The following STPG2 variants were observed in gnomAD, a reference collection of about 807,000 sequenced individuals.
The protein encoded by STPG2 is sperm-tail PG-rich repeat-containing protein 2.
A neutral mutation model predicts 54.2 loss-of-function variants in STPG2; 56 were observed. The ratio of observed to expected loss-of-function variants is 1.03; its 90% CI spans 0.83 to 1.29. The LOEUF is 1.29. Among genes scored for constraint, STPG2 ranks in the 50% most tolerant of loss-of-function variants. STPG2 has a pLI of 0.00. For missense variants in STPG2, 596 were observed against 544.9 expected (o/e 1.09, Z -0.93); for synonymous variants, 200 against 181.8 (o/e 1.10, Z -0.81).
chr4:98,117,220 G>C (rs1739545607), intron 3 of STPG2, among the ~76,000 whole-genome samples: 1 of 151,940 alleles, frequency 6.6e-6, no homozygotes, highest in Admixed American at 6.6e-5. Context: ...TGGAATTCTT[G>C]ATTGGCAGTC....
intron 1 of STPG2, among the ~76,000 whole-genome samples, chr4:98,136,402 T>G (rs1414839837): frequency 6.6e-6 from 1 of 151,234 alleles, no homozygotes; most frequent in Non-Finnish European, 1.5e-5. Context: ...TCAGAACACT[T>G]ACATTAGCCT....
At chr4:97,783,240 A>G (rs1560526108) in intron 9 of STPG2, among the ~76,000 whole-genome samples, 1 of 152,226 alleles carries the variant, frequency 6.6e-6, no homozygotes, top group Admixed American at 6.5e-5. Context: ...ACAAGAAAAA[A>G]CAACCGCATC....
At chr4:97,944,066 C>T (rs1733106591) in intron 7 of STPG2, 59 bp from the exon 8 acceptor site, 4 of 1,070,158 alleles carry the variant, frequency 3.7e-6, no homozygotes, top group Non-Finnish European at 5.6e-6. Flanking sequence ...ACAAGAGGCA[C>T]TATAAATAAT....
intron 10 of STPG2, among the ~76,000 whole-genome samples, chr4:97,701,175 C>T (rs1009836201): frequency 2.0e-5 from 3 of 152,086 alleles, no homozygotes. Context: ...CCATAGTAGC[C>T]CTCACCCTAC....
chr4:97,656,717 A>T (rs938540938), intron 10 of STPG2, among the ~76,000 whole-genome samples: 3 of 150,920 alleles, frequency 2.0e-5, no homozygotes, highest in Non-Finnish European at 4.4e-5. Context: ...TGGACATCGA[A>T]TACTAGTATT....
intron 4 of STPG2, chr4:97,489,756 C>A (rs577418412): frequency 2.6e-5 from 4 of 151,638 alleles, no homozygotes; most frequent in South Asian, 2.1e-4. Flanking sequence ...GGAAATAATT[C>A]TCTTATTTCC....
chr4:97,556,900 C>G (rs999325548), downstream of STPG2, among the ~76,000 whole-genome samples: 2 of 152,068 alleles, frequency 1.3e-5, no homozygotes, highest in African/African-American at 4.8e-5. Flanking sequence ...AAAAATAACC[C>G]TGGCCAGGCC....
At chr4:97,724,185 G>A (rs748675612) in intron 9 of STPG2, among the ~76,000 whole-genome samples, 1 of 151,916 alleles carries the variant, frequency 6.6e-6, no homozygotes, top group Non-Finnish European at 1.5e-5. Flanking sequence ...AAATGGTATT[G>A]GAATTTCTCC....
intron 4 of STPG2, among the ~76,000 whole-genome samples, chr4:97,524,432 G>A (rs1731241801): frequency 6.6e-6 from 1 of 151,836 alleles, no homozygotes; most frequent in African/African-American, 2.4e-5. Flanking sequence ...TGATGAGCAG[G>A]ATTCATTTGC....
chr4:97,949,481 T>C (rs1475726511), intron 7 of STPG2, among the ~76,000 whole-genome samples: 1 of 152,174 alleles, frequency 6.6e-6, no homozygotes, highest in Non-Finnish European at 1.5e-5. Flanking sequence ...TTTTTCTTCA[T>C]TGTATTATTG....
At chr4:97,778,259 A>G (rs911352941) in intron 9 of STPG2, among the ~76,000 whole-genome samples, 5 of 152,150 alleles carry the variant, frequency 3.3e-5, no homozygotes, top group African/African-American at 1.2e-4. Context: ...GCACAAGAGG[A>G]GATTATATCC....
At chr4:97,843,038 C>T (rs1728847256) in intron 8 of STPG2, among the ~76,000 whole-genome samples, 1 of 151,820 alleles carries the variant, frequency 6.6e-6, no homozygotes, top group African/African-American at 2.4e-5. Context: ...CCTAAATGAG[C>T]TGAATACCAT....
Position 97,863,520 on chromosome 4 carries a change from C to G in STPG2, c.1045-22588G>C, listed in dbSNP as rs894120042. 2.0e-5 allele frequency among the ~76,000 whole-genome samples: 3 copies of G among 152,278 alleles called. No individual in the cohort carries two copies. The South Asian group carries it at 6.2e-4, about 32-fold the overall frequency. Reference sequence around the variant, plus strand: ...TCATAGCCGAATTCTACCAGAGGTACAAGGAGGAGCTGGTACCATTCCTTC... The same window carrying G: ...TCATAGCCGAATTCTACCAGAGGTAGAAGGAGGAGCTGGTACCATTCCTTC... On this transcript the variant is annotated intron_variant, in intron 8 of 10. Coordinates refer to ENST00000295268, the MANE Select transcript of STPG2 (RefSeq NM_174952.3).
intron 8 of STPG2, among the ~76,000 whole-genome samples, chr4:97,843,644 A>T (rs1560550435): frequency 6.6e-6 from 1 of 151,898 alleles, no homozygotes; most frequent in Non-Finnish European, 1.5e-5. Context: ...AGCTACAAAC[A>T]AATCAAAAGT....
At chr4:97,858,541 T>C (rs1438766514) in intron 8 of STPG2, among the ~76,000 whole-genome samples, 1 of 152,140 alleles carries the variant, frequency 6.6e-6, no homozygotes, top group African/African-American at 2.4e-5. Flanking sequence ...TAGTATTTTA[T>C]CCCTCTCTCC....
chr4:98,011,019 T>C (rs1454604276), intron 5 of STPG2, among the ~76,000 whole-genome samples: 1 of 152,180 alleles, frequency 6.6e-6, no homozygotes, highest in African/African-American at 2.4e-5. Context: ...GTTTGATACA[T>C]GCCTTAGTGG....
chr4:97,989,775 T>C (rs1291173837), intron 5 of STPG2, among the ~76,000 whole-genome samples: 1 of 152,234 alleles, frequency 6.6e-6, no homozygotes, highest in Non-Finnish European at 1.5e-5. Context: ...ACAGTCAATC[T>C]GATAACCAAA....
chr4:97,659,998 TTC>T (rs951533969), intron 10 of STPG2, among the ~76,000 whole-genome samples: 4 of 150,482 alleles, frequency 2.7e-5, no homozygotes, highest in African/African-American at 9.7e-5. Context: ...AGAAGAATCT[TTC>T]TTTCTTTTTT....
chr4:98,035,998 G>C (rs1050840588), intron 5 of STPG2, among the ~76,000 whole-genome samples: 2 of 152,092 alleles, frequency 1.3e-5, no homozygotes, highest in Non-Finnish European at 2.9e-5. Flanking sequence ...TAATGTAGAT[G>C]ATGGGTTTAT....
Sources: gnomAD v4.1 joint callset for allele counts (sites outside exome capture counted in the v4.1 genomes callset) on GRCh38, gnomAD v4.1.1 for gene constraint, MANE v1.5 for transcripts, NCBI Gene and HGNC (gene_info 2026-07-23, HGNC 2026-07-21) for gene names.